BNC2: variants seen among roughly 807,000 people sequenced by gnomAD.
BNC2 encodes basonuclin zinc finger protein 2.
BNC2 carries 20 observed loss-of-function variants against 76.3 expected under a neutral mutation model. The observed-to-expected ratio is 0.26, with a 90% CI of 0.18 to 0.38. The LOEUF (loss-of-function observed/expected upper bound fraction) is 0.38. BNC2 is among the 10% of genes least tolerant of loss of function. The pLI is 1.00. For synonymous variants in BNC2, 582 were observed against 514.8 expected, an observed-to-expected ratio of 1.13 and a Z score of -1.77; for missense variants, 1,382 against 1,399.8, an observed-to-expected ratio of 0.99 and a Z score of 0.20.
chr9:16,695,283 A>C (rs1191354450), intron 3 of BNC2, among the ~76,000 whole-genome samples: 1 of 152,138 alleles, frequency 6.6e-6, no homozygotes, highest in African/African-American at 2.4e-5. Context: ...ACTTAAAATA[A>C]TACCATTTTC....
chr9:16,735,136 A>G (rs1587363700), intron 2 of BNC2, among the ~76,000 whole-genome samples: 2 of 152,032 alleles, frequency 1.3e-5, no homozygotes, highest in East Asian at 1.9e-4. Context: ...GTAGTTTACA[A>G]AATGTTAGGG....
chr9:16,518,481 G>A (rs967561632), intron 5 of BNC2, among the ~76,000 whole-genome samples: 17 of 152,008 alleles, frequency 1.1e-4, no homozygotes, highest in Middle Eastern at 3.2e-3. Flanking sequence ...GGTATAAAGG[G>A]CAAATGCCCC....
intron 3 of BNC2, among the ~76,000 whole-genome samples, chr9:16,627,280 A>G (rs953783813): frequency 6.6e-6 from 1 of 152,236 alleles, no homozygotes; most frequent in Non-Finnish European, 1.5e-5. Flanking sequence ...CTGTCTCAAT[A>G]GCAGGCTATG....
intron 5 of BNC2, among the ~76,000 whole-genome samples, chr9:16,453,188 G>T (rs1350770647): frequency 6.6e-6 from 1 of 152,154 alleles, no homozygotes; most frequent in African/African-American, 2.4e-5. Flanking sequence ...TATGTATTCT[G>T]TTCATCTATA....
At chr9:16,835,525 C>A (rs1239366265) in intron 1 of BNC2, among the ~76,000 whole-genome samples, 2 of 151,554 alleles carry the variant, frequency 1.3e-5, no homozygotes, top group East Asian at 3.9e-4. Flanking sequence ...ATGGTGAAAC[C>A]CTGTCCCTAC....
chr9:16,559,565 C>T (rs1818948609), intron 4 of BNC2, among the ~76,000 whole-genome samples: 1 of 152,208 alleles, frequency 6.6e-6, no homozygotes, highest in Non-Finnish European at 1.5e-5. Flanking sequence ...AATAAATAGT[C>T]AATATGAAAC....
At position 16,453,346 on chromosome 9, in the gene BNC2, C is replaced by T. The variant is rs1344283493; in HGVS notation, c.670-15822G>A. On this transcript the variant is annotated intron_variant, in intron 5 of 6. Coordinates refer to ENST00000380672, the MANE Select transcript of BNC2 (RefSeq NM_017637.6). The stretch of plus-strand genomic sequence containing the variant: ...TTGAGTTGAGCCCTCCACTGAGATG[C>T]TCTTCACAGAAGGCACTCCTGCCTG... Among the ~76,000 whole-genome samples, 3 of 152,188 alleles carry T rather than the reference C, an allele frequency of 2.0e-5. No homozygotes were observed. In the South Asian group the frequency reaches 6.2e-4, roughly 32 times the overall value.
chr9:16,838,799 A>G (rs768142881), intron 1 of BNC2, among the ~76,000 whole-genome samples: 2 of 152,240 alleles, frequency 1.3e-5, no homozygotes, highest in Non-Finnish European at 2.9e-5. Context: ...TTTATAGTGT[A>G]CTTATTGTAT....
intron 6 of BNC2, among the ~76,000 whole-genome samples, chr9:16,426,263 T>C (rs1820802172): frequency 6.6e-6 from 1 of 152,134 alleles, no homozygotes. Context: ...ATAAAGATTT[T>C]AGAAGATATA....
chr9:16,785,772 A>T (rs10810626), intron 1 of BNC2, among the ~76,000 whole-genome samples: 13,766 of 149,310 alleles, frequency 0.092, 807 homozygotes, highest in Admixed American at 0.19. Flanking sequence ...GCACCATTGC[A>T]CTCCAGCCTG....
chr9:16,526,573 A>G (rs1024799731), intron 5 of BNC2, among the ~76,000 whole-genome samples: 3 of 148,464 alleles, frequency 2.0e-5, no homozygotes, highest in Non-Finnish European at 4.4e-5. Context: ...ATATCCTCAG[A>G]CAAAGAAATG....
chr9:16,662,974 C>T (rs185921693), intron 3 of BNC2, among the ~76,000 whole-genome samples: 128 of 152,176 alleles, frequency 8.4e-4, no homozygotes, highest in African/African-American at 2.7e-3. Context: ...TTATGATCTG[C>T]CCTCAAGGAG....
At chr9:16,506,191 G>A (rs1219408963) in intron 5 of BNC2, among the ~76,000 whole-genome samples, 3 of 152,214 alleles carry the variant, frequency 2.0e-5, no homozygotes, top group Non-Finnish European at 4.4e-5. Flanking sequence ...AAAAAATACT[G>A]AGTTCCACAA....
At chr9:16,738,826 C>T (rs1231843604) in intron 1 of BNC2, among the ~76,000 whole-genome samples, 2 of 148,424 alleles carry the variant, frequency 1.3e-5, no homozygotes, top group African/African-American at 2.5e-5. Context: ...CCCATCCTCC[C>T]GCCCCAGCCC....
intron 1 of BNC2, among the ~76,000 whole-genome samples, chr9:16,838,967 A>G (rs1001540541): frequency 3.9e-5 from 6 of 152,242 alleles, no homozygotes; most frequent in South Asian, 4.1e-4. Flanking sequence ...TGCTACATAC[A>G]GTTTCTTAAG....
chr9:16,501,540 C>T (rs1222043259), intron 5 of BNC2, among the ~76,000 whole-genome samples: 2 of 152,122 alleles, frequency 1.3e-5, no homozygotes, highest in South Asian at 2.1e-4. Context: ...AGTCAGATGA[C>T]TTCATTAGGG....
At chr9:16,479,777 T>C (rs1362169544) in intron 5 of BNC2, among the ~76,000 whole-genome samples, 1 of 152,212 alleles carries the variant, frequency 6.6e-6, no homozygotes, top group Non-Finnish European at 1.5e-5. Flanking sequence ...CTGACTTCTT[T>C]CTTTATGCAC....
intron 6 of BNC2, among the ~76,000 whole-genome samples, chr9:16,423,194 A>C (rs543872251): frequency 1.6e-4 from 25 of 152,352 alleles, no homozygotes; most frequent in Non-Finnish European, 3.2e-4. Flanking sequence ...AAACAGATTT[A>C]GTGTTCTGAA....
In BNC2 at chr9:16,776,635, T is replaced by C. The variant is rs142458934; in HGVS notation, c.4-38150A>G. 1.3e-3 allele frequency among the ~76,000 whole-genome samples: 193 copies of C among 152,260 alleles called. 1 individual carries two copies. Among genetic ancestry groups the C allele is most frequent in the African/African-American group, 4.4e-3 (183 of 41,534 alleles). On this transcript the variant is annotated intron_variant, in intron 1 of 6. Coordinates refer to ENST00000380672, the MANE Select transcript of BNC2 (RefSeq NM_017637.6). ...AAGACGTAATTTTAATTGTAATGCA[T>C]AATACAAACCACTCCACTAATTCTG...
Sources: gnomAD v4.1 joint callset for allele counts (sites outside exome capture counted in the v4.1 genomes callset) on GRCh38, gnomAD v4.1.1 for gene constraint, MANE v1.5 for transcripts, NCBI Gene and HGNC (gene_info 2026-07-23, HGNC 2026-07-21) for gene names.